The following GPATCH2 variants were observed in gnomAD, a reference collection of about 807,000 sequenced individuals.
The protein encoded by GPATCH2 is G-patch domain containing 2.
Under a neutral mutation model 58.0 loss-of-function variants are expected in GPATCH2, and 51 were observed. That is an observed-to-expected ratio of 0.88 (90% CI 0.70 to 1.11). The LOEUF (loss-of-function observed/expected upper bound fraction) is 1.11, where lower values mean the gene tolerates loss of function less well. GPATCH2 is among the 50% of genes most tolerant of loss of function. GPATCH2 has a pLI of 0.00. For synonymous variants in GPATCH2, 222 were observed against 218.5 expected, an observed-to-expected ratio of 1.02 and a Z score of -0.14; for missense variants, 625 against 652.2, an observed-to-expected ratio of 0.96 and a Z score of 0.45.
chr1:217,561,487 A>G (rs915325079), intron 5 of GPATCH2, among the ~76,000 whole-genome samples: 12 of 152,222 alleles, frequency 7.9e-5, no homozygotes, highest in African/African-American at 2.9e-4. Context: ...TGTGTATTTA[A>G]TGCATTTTAG....
In GPATCH2 at chr1:217,464,658, A is replaced by G. The variant is rs556587027; in HGVS notation, c.1278-15321T>C. 2.6e-4 allele frequency among the ~76,000 whole-genome samples: 39 copies of G among 152,314 alleles called. 1 individual carries two copies. In the South Asian group the frequency reaches 7.7e-3, roughly 30 times the overall value. ...GAGCAGAACAGAGGCCAAGGGGAAA[A>G]GGAAACAGACGGTCTTAATAAAAAT... On this transcript the variant is annotated intron_variant, in intron 8 of 9. Transcript: ENST00000366935.
chr1:217,466,027 GA>G (rs1660432990), intron 8 of GPATCH2, among the ~76,000 whole-genome samples: 1 of 152,120 alleles, frequency 6.6e-6, no homozygotes, highest in African/African-American at 2.4e-5. Flanking sequence ...GTTAGGAGAA[GA>G]AAAACATGAG....
chr1:217,603,596 A>ATTTTGAT (rs1668211864), intron 5 of GPATCH2, among the ~76,000 whole-genome samples: 1 of 152,028 alleles, frequency 6.6e-6, no homozygotes, highest in African/African-American at 2.4e-5. Context: ...AAATGACATC[A>ATTTTGAT]AAATAGAGAA....
chr1:217,477,978 G>T (rs1447083812), intron 8 of GPATCH2, among the ~76,000 whole-genome samples: 1 of 152,178 alleles, frequency 6.6e-6, no homozygotes, highest in Non-Finnish European at 1.5e-5. Context: ...ATGACTGGGA[G>T]AAAGTAAGGG....
At chr1:217,567,689 T>A (rs1252249678) in intron 5 of GPATCH2, among the ~76,000 whole-genome samples, 2 of 152,236 alleles carry the variant, frequency 1.3e-5, no homozygotes, top group African/African-American at 4.8e-5. Context: ...TGGCTTTAAA[T>A]ATTTAAGAAT....
intron 8 of GPATCH2, among the ~76,000 whole-genome samples, chr1:217,456,994 C>T (rs1455181359): frequency 2.0e-5 from 3 of 152,068 alleles, no homozygotes; most frequent in Non-Finnish European, 4.4e-5. Flanking sequence ...TCTTCTTTAC[C>T]CTTCTCATTA....
chr1:217,541,810 T>C (rs1664757092), intron 5 of GPATCH2, among the ~76,000 whole-genome samples: 1 of 152,212 alleles, frequency 6.6e-6, no homozygotes, highest in Admixed American at 6.5e-5. Context: ...CATAATAATC[T>C]GATAGGCAAG....
chr1:217,455,171 A>C (rs1659884537), intron 8 of GPATCH2, among the ~76,000 whole-genome samples: 1 of 152,078 alleles, frequency 6.6e-6, no homozygotes, highest in Middle Eastern at 3.2e-3. Context: ...GGGTTTCAGT[A>C]ATTGGATCCA....
chr1:217,437,211 G>T (rs1658879126), intron 9 of GPATCH2, among the ~76,000 whole-genome samples: 2 of 152,076 alleles, frequency 1.3e-5, no homozygotes, highest in South Asian at 4.1e-4. Context: ...CAGATACTAC[G>T]CTGTTCCCAC....
At chr1:217,435,601 T>G (rs1464722737) in intron 9 of GPATCH2, among the ~76,000 whole-genome samples, 2 of 152,196 alleles carry the variant, frequency 1.3e-5, no homozygotes, top group Admixed American at 6.5e-5. Context: ...ATTTATTAGT[T>G]TGTGATCACT....
intron 5 of GPATCH2, among the ~76,000 whole-genome samples, chr1:217,520,787 C>G (rs1485925254): frequency 2.0e-5 from 3 of 152,086 alleles, no homozygotes; most frequent in African/African-American, 7.2e-5. Context: ...AGAAATATTT[C>G]TATTGTCATT....
At position 217,620,433 on chromosome 1, in the gene GPATCH2, C is replaced by A; in HGVS notation, c.123G>T (p.Glu41Asp). 6.2e-7 allele frequency: 1 copy of A among 1,614,072 alleles called. No homozygotes were observed. Among genetic ancestry groups the A allele is most frequent in the Non-Finnish European group, 8.5e-7 (1 of 1,179,972 alleles). ...TTTCAGCAAATCCACCTCGAGCTTGCTCTGAGCTCTCTTCCAATGCTGAGA... is the reference window on the plus strand; with the variant it reads ...TTTCAGCAAATCCACCTCGAGCTTGATCTGAGCTCTCTTCCAATGCTGAGA... ...DLVSALEESS[E>D]QARGGFAETG... The change falls in exon 2 of 10, where the codon GAG becomes GAT. Residue 41 changes from glutamate to aspartate, a missense_variant. Glu to Asp is a conservative substitution (Grantham distance 45). Coordinates refer to ENST00000366935, the MANE Select transcript of GPATCH2 (RefSeq NM_018040.5).
intron 6 of GPATCH2, among the ~76,000 whole-genome samples, chr1:217,499,947 T>TG (rs2102550779): frequency 6.6e-6 from 1 of 152,270 alleles, no homozygotes; most frequent in Non-Finnish European, 1.5e-5. Context: ...CAATAGCTTG[T>TG]AATTCATTGA....
At chr1:217,538,955 C>T (rs1024787190) in intron 5 of GPATCH2, among the ~76,000 whole-genome samples, 3 of 152,088 alleles carry the variant, frequency 2.0e-5, no homozygotes, top group Admixed American at 1.3e-4. Flanking sequence ...CTTTCTTATA[C>T]CCTCTGCTTA....
In GPATCH2 at chr1:217,630,878, T is replaced by C. The variant is rs759578502; in HGVS notation, c.56+38A>G. 7 of 1,517,564 alleles carry C rather than the reference T, an allele frequency of 4.6e-6. No individual in the cohort carries two copies. In the African/African-American group the frequency reaches 8.2e-5, roughly 18 times the overall value. 94.0% of individuals were successfully genotyped at this position (1,517,564 alleles called of 1,614,324 possible). A position where few individuals can be genotyped will look rare whatever the true frequency, so the allele number is the denominator to read the frequency against. ...GGAGCGGCCTCGGGCAATCACACCCTTCCCTGACCTCCCCCTCCCCAGGGC... is the reference window on the plus strand; with the variant it reads ...GGAGCGGCCTCGGGCAATCACACCCCTCCCTGACCTCCCCCTCCCCAGGGC... On this transcript the variant is annotated intron_variant, in intron 1 of 9. Coordinates refer to ENST00000366935, the MANE Select transcript of GPATCH2 (RefSeq NM_018040.5).
chr1:217,489,337 A>G (rs1661607030), intron 8 of GPATCH2, among the ~76,000 whole-genome samples: 1 of 152,022 alleles, frequency 6.6e-6, no homozygotes, highest in Non-Finnish European at 1.5e-5. Flanking sequence ...TTGACTTAGT[A>G]GTTATTTAGA....
At chr1:217,485,117 T>C (rs1397541047) in intron 8 of GPATCH2, among the ~76,000 whole-genome samples, 2 of 152,096 alleles carry the variant, frequency 1.3e-5, no homozygotes, top group African/African-American at 4.8e-5. Flanking sequence ...TAGGGAGTAA[T>C]GGGGTAAGAC....
chr1:217,533,136 T>C (rs902009015), intron 5 of GPATCH2, among the ~76,000 whole-genome samples: 6 of 151,756 alleles, frequency 4.0e-5, no homozygotes, highest in Admixed American at 2.0e-4. Flanking sequence ...CTTGAACTCC[T>C]GAGCTCAAGT....
intron 5 of GPATCH2, among the ~76,000 whole-genome samples, chr1:217,579,537 A>T (rs1399545396): frequency 6.6e-6 from 1 of 152,218 alleles, no homozygotes; most frequent in Non-Finnish European, 1.5e-5. Context: ...CTGCAGCAGT[A>T]AATCTATGCA....
Sources: allele counts gnomAD v4.1 joint callset (sites outside exome capture counted in the v4.1 genomes callset), GRCh38; gene constraint gnomAD v4.1.1; transcripts MANE v1.5; gene names NCBI Gene and HGNC (gene_info 2026-07-23, HGNC 2026-07-21).